Variants in LARGE1 observed in about 807,000 individuals in gnomAD.
The protein encoded by LARGE1 is LARGE xylosyl- and glucuronyltransferase 1.
In LARGE1, 43 loss-of-function variants were observed where a neutral mutation model predicts 87.6. That is an observed-to-expected ratio of 0.49 (90% confidence interval 0.38 to 0.63). LARGE1 has a LOEUF of 0.63. Ranked by LOEUF, LARGE1 falls within the 30% of genes least tolerant of loss-of-function variation. The pLI, the probability that LARGE1 is intolerant of heterozygous loss-of-function variation, is 0.00. For synonymous variants in LARGE1, 434 were observed against 394.6 expected, an observed-to-expected ratio of 1.10 and a Z score of -1.18; for missense variants, 802 against 1,000.2, an observed-to-expected ratio of 0.80 and a Z score of 2.67.
chr22:33,288,173 G>A (rs1931889206), intron 12 of LARGE1, among the ~76,000 whole-genome samples: 2 of 152,198 alleles, frequency 1.3e-5, no homozygotes, highest in African/African-American at 2.4e-5. Context: ...TTTCATAGAC[G>A]TGTTAAACTG....
At chr22:33,506,468 G>A (rs547259123) in intron 6 of LARGE1, among the ~76,000 whole-genome samples, 7 of 152,260 alleles carry the variant, frequency 4.6e-5, no homozygotes, top group East Asian at 3.9e-4. Context: ...AATTCCACCC[G>A]GGGAGGAGCT....
intron 2 of LARGE1, among the ~76,000 whole-genome samples, chr22:33,722,119 G>C (rs866277459): frequency 6.6e-6 from 1 of 152,056 alleles, no homozygotes; most frequent in Non-Finnish European, 1.5e-5. Context: ...CGGGCGTGGT[G>C]GTGGGCATCT....
Position 33,865,564 on chromosome 22 carries a change from A to G in LARGE1, c.-83+54431T>C, listed in dbSNP as rs150448416. On this transcript the variant is annotated intron_variant, in intron 1 of 14. Transcript: ENST00000397394. ...TGTTTGGGGCTGACAAATATTATGA[A>G]CAATGAGATCCTTTCCATGGTGATA... is the stretch of plus-strand genomic sequence containing the variant. 8.6e-3 allele frequency among the ~76,000 whole-genome samples: 1,303 copies of G among 152,306 alleles called. 8 individuals are homozygous for G. The highest frequency in any genetic ancestry group is 0.032 in the South Asian group (152 of 4,824).
chr22:33,437,610 T>C lies in LARGE1; in HGVS notation c.788-5345A>G, dbSNP rs144092330. 2.1e-3 allele frequency among the ~76,000 whole-genome samples: 327 copies of C among 152,276 alleles called. 1 individual carries two copies. The highest frequency in any genetic ancestry group is 7.5e-3 in the African/African-American group (313 of 41,568). On this transcript the variant is annotated intron_variant, in intron 6 of 14. Coordinates refer to ENST00000397394, the MANE Select transcript of LARGE1 (RefSeq NM_133642.5). Reference sequence around the variant, plus strand: ...TCTTATGGAAGCACCCAGAACTCCCTGGTCCTACACTCTGCTCCATCTGCC... The same window carrying C: ...TCTTATGGAAGCACCCAGAACTCCCCGGTCCTACACTCTGCTCCATCTGCC...
At chr22:33,911,530 G>T (rs1274616977) in intron 1 of LARGE1, among the ~76,000 whole-genome samples, 3 of 151,890 alleles carry the variant, frequency 2.0e-5, no homozygotes, top group Non-Finnish European at 4.4e-5. Context: ...ACATGGGAGC[G>T]CCGGTCTACA....
intron 6 of LARGE1, among the ~76,000 whole-genome samples, chr22:33,538,288 T>C (rs2148620016): frequency 6.6e-6 from 1 of 152,358 alleles, no homozygotes; most frequent in Non-Finnish European, 1.5e-5. Context: ...GCACAAGCAA[T>C]GGCCATATTA....
intron 2 of LARGE1, among the ~76,000 whole-genome samples, chr22:33,751,115 A>G (rs1355717494): frequency 1.3e-5 from 2 of 152,230 alleles, no homozygotes; most frequent in Non-Finnish European, 2.9e-5. Flanking sequence ...AGAAAAATGA[A>G]CAAGTCCTAA....
At chr22:33,413,199 C>T (rs969389635) in intron 7 of LARGE1, among the ~76,000 whole-genome samples, 3 of 152,140 alleles carry the variant, frequency 2.0e-5, no homozygotes, top group South Asian at 4.1e-4. Context: ...CTCACAGATT[C>T]ACTAGTAACT....
intron 7 of LARGE1, among the ~76,000 whole-genome samples, chr22:33,400,452 C>T (rs1184821105): frequency 6.6e-6 from 1 of 152,194 alleles, no homozygotes; most frequent in Non-Finnish European, 1.5e-5. Context: ...CGAAAAATGG[C>T]TGCAACTCTG....
chr22:33,844,276 C>T (rs1414925830), intron 1 of LARGE1, among the ~76,000 whole-genome samples: 4 of 152,104 alleles, frequency 2.6e-5, no homozygotes, highest in African/African-American at 9.7e-5. Flanking sequence ...AAGTGTTCAA[C>T]ATACAGGCTT....
At chr22:33,761,678 A>T (rs1029686741) in intron 1 of LARGE1, 120 bp from the exon 2 acceptor site, 1 of 609,028 alleles carries the variant, frequency 1.6e-6, no homozygotes, top group Admixed American at 2.7e-5. Context: ...CTTCCTGCTA[A>T]CCTTTCATCC....
At chr22:33,577,560 T>C (rs1488387372) in intron 5 of LARGE1, among the ~76,000 whole-genome samples, 3 of 152,182 alleles carry the variant, frequency 2.0e-5, no homozygotes, top group African/African-American at 7.2e-5. Flanking sequence ...CACTCTTACC[T>C]CCGCCTTCCC....
chr22:33,857,640 G>A (rs1352240723), intron 1 of LARGE1, among the ~76,000 whole-genome samples: 1 of 152,280 alleles, frequency 6.6e-6, no homozygotes, highest in African/African-American at 2.4e-5. Context: ...TATCACACAA[G>A]AGATCTCGCC....
intron 6 of LARGE1, among the ~76,000 whole-genome samples, chr22:33,453,665 G>A (rs2068026126): frequency 6.6e-6 from 1 of 152,136 alleles, no homozygotes. Flanking sequence ...TCTTCATTCT[G>A]TCTGTGTCCA....
chr22:33,475,754 G>A (rs1342495056), intron 6 of LARGE1, among the ~76,000 whole-genome samples: 2 of 152,096 alleles, frequency 1.3e-5, no homozygotes, highest in Non-Finnish European at 2.9e-5. Context: ...GTGAGCCACC[G>A]CACCTGGCCT....
At chr22:33,692,210 C>T (rs1243299798) in intron 2 of LARGE1, among the ~76,000 whole-genome samples, 1 of 152,174 alleles carries the variant, frequency 6.6e-6, no homozygotes, top group Non-Finnish European at 1.5e-5. Flanking sequence ...ATGCAAAATG[C>T]TTAAAACACT....
intron 1 of LARGE1, among the ~76,000 whole-genome samples, chr22:33,771,491 T>C (rs1456606338): frequency 1.3e-5 from 2 of 152,230 alleles, no homozygotes; most frequent in Non-Finnish European, 2.9e-5. Flanking sequence ...CTCCAACCTC[T>C]GAGATACTTA....
At chr22:33,219,108 CATGAGAAACAA>C (rs1925341846) in intron 11 of LARGE1, among the ~76,000 whole-genome samples, 1 of 152,222 alleles carries the variant, frequency 6.6e-6, no homozygotes, top group South Asian at 2.1e-4. Context: ...GCACCACCTA[CATGAGAAACAA>C]ATGTATTGAG....
intron 6 of LARGE1, among the ~76,000 whole-genome samples, chr22:33,521,929 T>C (rs2071620547): frequency 6.6e-6 from 1 of 152,138 alleles, no homozygotes; most frequent in South Asian, 2.1e-4. Context: ...AAGCTTCCAA[T>C]CACGGCAGAA....
Sources: allele counts gnomAD v4.1 joint callset (sites outside exome capture counted in the v4.1 genomes callset), GRCh38; gene constraint gnomAD v4.1.1; transcripts MANE v1.5; gene names NCBI Gene and HGNC (gene_info 2026-07-23, HGNC 2026-07-21).